The following INSL4 variants were observed in gnomAD, a reference collection of about 807,000 sequenced individuals.
INSL4 encodes early placenta insulin-like peptide.
In INSL4, 7 loss-of-function variants were observed where a neutral mutation model predicts 6.5. The ratio of observed to expected loss-of-function variants is 1.08; its 90% CI spans 0.61 to 2.02. INSL4 has a LOEUF of 2.02. INSL4 is among the 30% of genes most tolerant of loss of function. The probability of loss-of-function intolerance (pLI) is 0.00; values close to 1 mark genes in which losing one functional copy is unlikely to be tolerated. For synonymous variants in INSL4, 82 were observed against 65.8 expected, an observed-to-expected ratio of 1.25 and a Z score of -1.19; for missense variants, 226 against 163.2, an observed-to-expected ratio of 1.38 and a Z score of -2.09.
chr9:5,233,716 C>A lies in INSL4; in HGVS notation c.259C>A (p.Pro87Thr), dbSNP rs1826183092. The A allele has an allele frequency of 6.2e-7, 1 of 1,613,714 alleles. No homozygotes were observed. Among genetic ancestry groups the A allele is most frequent in the African/African-American group, 1.3e-5 (1 of 75,034 alleles). Residue 87 changes from proline (P) to threonine (T), a missense_variant, in exon 2 of 2, where the codon CCT (proline) becomes ACT (threonine). By Grantham distance (38) the Pro-to-Thr change is conservative. Coordinates refer to ENST00000239316, the MANE Select transcript of INSL4 (RefSeq NM_002195.2). The stretch of plus-strand genomic sequence containing the variant: ...CTTAGGTACGACATCAGAATTCATT[C>A]CTAATTTGTCACCAGAGCTGAAGAA... ...QALGTTSEFIPNLSPELKKPL... is the reference protein window; with the variant it reads ...QALGTTSEFITNLSPELKKPL...
rs1420266300 is a variant in INSL4 at position 5,234,595 on chromosome 9, T to A, written c.*718T>A. On this transcript the variant is annotated 3_prime_UTR_variant, in exon 2 of 2. Coordinates refer to ENST00000239316, the MANE Select transcript of INSL4 (RefSeq NM_002195.2). The stretch of plus-strand genomic sequence containing the variant: ...GACCTTCAATCATTCTATAAACTCC[T>A]CTTTTGTCCCTGGCATTACTCCACA... 1 of 152,686 alleles carries A rather than the reference T, an allele frequency of 6.5e-6. No homozygotes were observed. Among genetic ancestry groups the A allele is most frequent in the Admixed American group, 6.6e-5 (1 of 15,256 alleles). The allele number at this position is 152,686 out of a possible 1,614,324, so 9.5% of individuals were successfully genotyped here. A position where few individuals can be genotyped will look rare whatever the true frequency, so the allele number is the denominator to read the frequency against.
chr9:5,232,536 C>T (rs1233689238), intron 1 of INSL4, among the ~76,000 whole-genome samples: 1 of 152,112 alleles, frequency 6.6e-6, no homozygotes, highest in Non-Finnish European at 1.5e-5. Context: ...ACATTTGAGA[C>T]TGCAAAGCAT....
rs78028606 is a variant in INSL4 at position 5,232,752 on chromosome 9, T to C, written c.197-902T>C. On this transcript the variant is annotated intron_variant, in intron 1 of 1. Coordinates refer to ENST00000239316, the MANE Select transcript of INSL4 (RefSeq NM_002195.2). ...AAAAGCTAAGTTAAATTACTAAACA[T>C]TGTTTTACATTTAATACAAATGACA... is the stretch of plus-strand genomic sequence containing the variant. 1.1e-4 allele frequency among the ~76,000 whole-genome samples: 17 copies of C among 152,300 alleles called. No homozygotes were observed. The East Asian group carries it at 2.9e-3, about 26-fold the overall frequency.
At chr9:5,232,570 A>T (rs1826164359) in intron 1 of INSL4, among the ~76,000 whole-genome samples, 1 of 152,184 alleles carries the variant, frequency 6.6e-6, no homozygotes, top group Admixed American at 6.5e-5. Flanking sequence ...AAGATTTCAG[A>T]ATTGAGGAAA....
Position 5,232,876 on chromosome 9 carries a change from G to A in INSL4, c.197-778G>A, listed in dbSNP as rs72701695. Among the ~76,000 whole-genome samples the A allele has an allele frequency of 9.9e-3, 1,512 of 152,194 alleles. 18 individuals are homozygous for A. Among genetic ancestry groups the A allele is most frequent in the East Asian group, 0.052 (268 of 5,180 alleles). ...TTAAATGACTCTGTTTAAAGTTATC[G>A]TGCACAGTGAATGCACTTGGATTTT... is the stretch of plus-strand genomic sequence containing the variant. On this transcript the variant is annotated intron_variant, in intron 1 of 1. Transcript: ENST00000239316.
chr9:5,234,041 G>C lies in INSL4; in HGVS notation c.*164G>C, dbSNP rs1563714824. ...TACTAATATAGTCTCTCCAAATGGA[G>C]GAAGTTAGATAGATGGAATAAGTTC... On this transcript the variant is annotated 3_prime_UTR_variant, in exon 2 of 2. Transcript: ENST00000239316. The C allele has an allele frequency of 1.7e-6, 1 of 592,810 alleles. No homozygotes were observed. The highest frequency in any genetic ancestry group is 3.0e-6 in the Non-Finnish European group (1 of 334,970). 36.7% of individuals were successfully genotyped at this position (592,810 alleles called of 1,614,324 possible).
intron 1 of INSL4, 83 bp downstream of exon 1, chr9:5,231,802 C>G: frequency 9.1e-6 from 11 of 1,211,730 alleles, no homozygotes; most frequent in African/African-American, 1.5e-5. Context: ...GTAGTCAACT[C>G]AGACTCTACT....
At chr9:5,233,311 T>A (rs915099486) in intron 1 of INSL4, among the ~76,000 whole-genome samples, 13 of 152,126 alleles carry the variant, frequency 8.5e-5, no homozygotes, top group Non-Finnish European at 1.3e-4. Context: ...ATAAAAAAAA[T>A]TCCCTATTGC....
At position 5,231,694 on chromosome 9, in the gene INSL4, G is replaced by C. The variant is rs1826148393; in HGVS notation, c.171G>C (p.Trp57Cys). 6.2e-7 allele frequency: 1 copy of C among 1,613,718 alleles called. No homozygotes were observed. The highest frequency in any genetic ancestry group is 2.2e-5 in the East Asian group (1 of 44,828). Residue 57 changes from tryptophan (W) to cysteine (C), a missense_variant, in exon 1 of 2, where the codon TGG (tryptophan) becomes TGC (cysteine). Coordinates refer to ENST00000239316, the MANE Select transcript of INSL4 (RefSeq NM_002195.2). ...CATTCACCACCACCCCAGGAGGGTGGCTGCTGGAATCTGGACGTCCCAAAG... is the reference window on the plus strand; with the variant it reads ...CATTCACCACCACCCCAGGAGGGTGCCTGCTGGAATCTGGACGTCCCAAAG... ...EKTFTTTPGG[W>C]LLESGRPKEM...
chr9:5,231,467 C>T lies in INSL4; in HGVS notation c.-57C>T. The T allele has an allele frequency of 6.5e-7, 1 of 1,541,642 alleles. No homozygotes were observed. Among genetic ancestry groups the T allele is most frequent in the Non-Finnish European group, 8.8e-7 (1 of 1,133,302 alleles). ...ACCAGCACAGTCTGGTAGGCTACAG[C>T]AGCAAGTCTCTAAAGAAAGGCTGAG... On this transcript the variant is annotated 5_prime_UTR_variant, in exon 1 of 2. Transcript: ENST00000239316.
At chr9:5,232,896 G>A (rs957192122) in intron 1 of INSL4, among the ~76,000 whole-genome samples, 1 of 152,076 alleles carries the variant, frequency 6.6e-6, no homozygotes, top group Non-Finnish European at 1.5e-5. Flanking sequence ...AATGCACTTG[G>A]ATTTTGTGTG....
In INSL4 at chr9:5,233,743, CCACTGTCTGAAGGG is replaced by C. The variant is rs1563714675; in HGVS notation, c.289_302del (p.Leu97AlafsTer20). The C allele has an allele frequency of 6.2e-7, 1 of 1,613,674 alleles. No individual in the cohort carries two copies. Among genetic ancestry groups the C allele is most frequent in the South Asian group, 1.1e-5 (1 of 91,068 alleles). On this transcript the variant is annotated frameshift_variant, in exon 2 of 2. Coordinates refer to ENST00000239316, the MANE Select transcript of INSL4 (RefSeq NM_002195.2). LOFTEE classifies it low-confidence loss of function (END_TRUNC). ...TAATTTGTCACCAGAGCTGAAGAAA[CCACTGTCTGAAGGG>C]CAGCCATCATTGAAGAAAATAATAC...
At chr9:5,233,570 G>C in intron 1 of INSL4, 84 bp from the exon 2 acceptor site, 1 of 1,006,758 alleles carries the variant, frequency 9.9e-7, no homozygotes, top group East Asian at 2.6e-5. Flanking sequence ...GTACATTGTG[G>C]TCTAGGCAAA....
intron 1 of INSL4, among the ~76,000 whole-genome samples, chr9:5,233,104 TACTTTG>T (rs1826172678): frequency 1.3e-5 from 2 of 152,310 alleles, no homozygotes; most frequent in South Asian, 4.1e-4. Flanking sequence ...CTCATTTAAA[TACTTTG>T]ACAAATATAG....
At chr9:5,232,963 T>C (rs1826170277) in intron 1 of INSL4, among the ~76,000 whole-genome samples, 1 of 152,182 alleles carries the variant, frequency 6.6e-6, no homozygotes, top group African/African-American at 2.4e-5. Context: ...TCAGAGCTTG[T>C]TTCATTTTAC....
intron 1 of INSL4, among the ~76,000 whole-genome samples, chr9:5,232,708 T>C (rs935827690): frequency 6.6e-6 from 1 of 152,198 alleles, no homozygotes; most frequent in African/African-American, 2.4e-5. Flanking sequence ...TTCTGTCTAA[T>C]AGGTCGTATT....
rs1177093925 is a variant in INSL4, at chr9:5,234,772, T to G, written c.*895T>G. 6.6e-6 allele frequency: 1 copy of G among 152,154 alleles called. No individual in the cohort carries two copies. The highest frequency in any genetic ancestry group is 1.5e-5 in the Non-Finnish European group (1 of 68,030). 9.4% of individuals were successfully genotyped at this position (152,154 alleles called of 1,614,324 possible). On this transcript the variant is annotated 3_prime_UTR_variant, in exon 2 of 2. Transcript: ENST00000239316. ...TAGTTGTGTTTGTTTGTTTGCAGGC[T>G]AACTGAAGCTGCTACTACCTCATTA...
In INSL4 at chr9:5,234,300, T is replaced by C. The variant is rs1302753556; in HGVS notation, c.*423T>C. The C allele has an allele frequency of 6.0e-6, 1 of 166,398 alleles. No individual in the cohort carries two copies. Among genetic ancestry groups the C allele is most frequent in the Non-Finnish European group, 1.3e-5 (1 of 76,764 alleles). 10.3% of individuals were successfully genotyped at this position (166,398 alleles called of 1,614,324 possible). A position where few individuals can be genotyped will look rare whatever the true frequency, so the allele number is the denominator to read the frequency against. Reference sequence around the variant, plus strand: ...ATGTGAACTACAAACTTACTGGAAATAAATTTTTAAAGTTTTACACACATA... The same window carrying C: ...ATGTGAACTACAAACTTACTGGAAACAAATTTTTAAAGTTTTACACACATA... On this transcript the variant is annotated 3_prime_UTR_variant, in exon 2 of 2. Transcript: ENST00000239316.
chr9:5,233,082 T>C (rs763730948), intron 1 of INSL4, among the ~76,000 whole-genome samples: 1 of 152,134 alleles, frequency 6.6e-6, no homozygotes, highest in African/African-American at 2.4e-5. Flanking sequence ...TTTCAGTAAA[T>C]AAGTGAAAAT....
Sources: gnomAD v4.1 joint callset for allele counts (sites outside exome capture counted in the v4.1 genomes callset) on GRCh38, gnomAD v4.1.1 for gene constraint, MANE v1.5 for transcripts, NCBI Gene and HGNC (gene_info 2026-07-23, HGNC 2026-07-21) for gene names.